The following PCDHGA8 variants were observed in gnomAD, a reference collection of about 807,000 sequenced individuals.
PCDHGA8 encodes the protein protocadherin gamma subfamily A, 8.
A neutral mutation model predicts 59.2 loss-of-function variants in PCDHGA8; 45 were observed. The ratio of observed to expected loss-of-function variants is 0.76; its 90% CI spans 0.60 to 0.98. PCDHGA8 has a LOEUF of 0.98. Among genes scored for constraint, PCDHGA8 ranks in the 50% least tolerant of loss-of-function variants. The pLI, the probability that PCDHGA8 is intolerant of heterozygous loss-of-function variation, is 0.00. For missense variants in PCDHGA8, 1,257 were observed against 1,196.2 expected (o/e 1.05, Z -0.75); for synonymous variants, 531 against 519.0 (o/e 1.02, Z -0.32).
chr5:141,421,418 G>C, intron 1 of PCDHGA8: 1 of 1,614,086 alleles, frequency 6.2e-7, no homozygotes, highest in Middle Eastern at 1.7e-4. Context: ...GCGAAGCGCG[G>C]AGTCCGCATC....
chr5:141,451,528 G>C (rs1451101169), intron 1 of PCDHGA8, among the ~76,000 whole-genome samples: 8 of 152,210 alleles, frequency 5.3e-5, no homozygotes. Flanking sequence ...AAGTAAAGGA[G>C]AGTGCCAGAG....
intron 1 of PCDHGA8, among the ~76,000 whole-genome samples, chr5:141,437,431 A>G (rs1282194918): frequency 6.6e-6 from 1 of 152,234 alleles, no homozygotes; most frequent in African/African-American, 2.4e-5. Flanking sequence ...TGAAGCAGCA[A>G]TAGCATAGGA....
chr5:141,421,233 G>T (rs201076931), intron 1 of PCDHGA8: 2 of 1,592,240 alleles, frequency 1.3e-6, no homozygotes, highest in Non-Finnish European at 1.7e-6. Flanking sequence ...CTGCCATGGC[G>T]AATCGGCTAC....
At position 141,418,056 on chromosome 5, in the gene PCDHGA8, T is replaced by G. The variant is rs199996434; in HGVS notation, c.2424+22819T>G. ...GTCCTGGATGTGTCGGCTCGCGAGC[T>G]GCGAGTGAGCGCGGAGAAGCTGCAC... is the stretch of plus-strand genomic sequence containing the variant. On this transcript the variant is annotated intron_variant, in intron 1 of 3. Coordinates refer to ENST00000398604, the MANE Select transcript of PCDHGA8 (RefSeq NM_032088.2). 5.0e-5 allele frequency: 80 copies of G among 1,613,976 alleles called. No individual in the cohort carries two copies. The African/African-American group carries it at 7.5e-4, about 15-fold the overall frequency.
rs76825883 is a variant in PCDHGA8, at chr5:141,433,317, C to T, written c.2424+38080C>T. The T allele has an allele frequency of 1.4e-3, 1,163 of 830,944 alleles. 6 individuals are homozygous for T. In the African/African-American group the frequency reaches 0.015, roughly 11 times the overall value. 51.5% of individuals were successfully genotyped at this position (830,944 alleles called of 1,614,324 possible). A position where few individuals can be genotyped will look rare whatever the true frequency, so the allele number is the denominator to read the frequency against. On this transcript the variant is annotated intron_variant, in intron 1 of 3. Transcript: ENST00000398604. ...CAAGCAATTATCCCACCTTTGCCTC[C>T]GGTGTAACAGGGACTACAGGTGCAA... is the stretch of plus-strand genomic sequence containing the variant.
intron 1 of PCDHGA8, chr5:141,415,649 A>T: frequency 1.9e-6 from 3 of 1,597,710 alleles, no homozygotes; most frequent in Non-Finnish European, 2.6e-6. Context: ...GTTAAAAAAA[A>T]AAAGATTGGT....
chr5:141,485,341 G>C lies in PCDHGA8; in HGVS notation c.2425-9466G>C. 1.2e-6 allele frequency: 2 copies of C among 1,614,118 alleles called. No homozygotes were observed. Among genetic ancestry groups the C allele is most frequent in the Non-Finnish European group, 8.5e-7 (1 of 1,180,022 alleles). ...TCGCTCAAGATTTCCTGCTGGATAC[G>C]GACAGTCTGTCAGCTCGCAGGCTGC... On this transcript the variant is annotated intron_variant, in intron 1 of 3. Coordinates refer to ENST00000398604, the MANE Select transcript of PCDHGA8 (RefSeq NM_032088.2). The surrounding 1 kb of genome is among the most constrained non-coding windows in gnomAD (Gnocchi z 5.7).
At chr5:141,484,707 G>C (rs1288663675) in intron 1 of PCDHGA8, among the ~76,000 whole-genome samples, 1 of 151,802 alleles carries the variant, frequency 6.6e-6, no homozygotes. Flanking sequence ...TGTTTTCCCC[G>C]CCGAAAAGGG....
rs1394234849 is a variant in PCDHGA8 at position 141,415,739 on chromosome 5, GGTTT to G, written c.2424+20503_2424+20506del. The G allele has an allele frequency of 1.9e-3, 837 of 434,806 alleles. 9 individuals are homozygous for G. In the African/African-American group the frequency reaches 0.026, roughly 14 times the overall value. The allele number at this position is 434,806 out of a possible 1,614,324, so 26.9% of individuals were successfully genotyped here. A position where few individuals can be genotyped will look rare whatever the true frequency, so the allele number is the denominator to read the frequency against. On this transcript the variant is annotated intron_variant, in intron 1 of 3. Coordinates refer to ENST00000398604, the MANE Select transcript of PCDHGA8 (RefSeq NM_032088.2). ...ATGAGTAGAATTTGATGTTTATTAAGGTTTTTTTTTTTTTTTTTTTTTTTTTTTT... is the reference window on the plus strand; with the variant it reads ...ATGAGTAGAATTTGATGTTTATTAAGTTTTTTTTTTTTTTTTTTTTTTTTT...
At chr5:141,421,351 A>G in intron 1 of PCDHGA8, 2 of 1,613,988 alleles carry the variant, frequency 1.2e-6, no homozygotes, top group Non-Finnish European at 1.7e-6. Flanking sequence ...AGAGACCGAA[A>G]AGGGCTCCTT....
intron 1 of PCDHGA8, chr5:141,421,183 A>G (rs1286755310): frequency 2.7e-6 from 4 of 1,457,360 alleles, no homozygotes; most frequent in Admixed American, 4.8e-5. Flanking sequence ...CCGATTCACA[A>G]CCAACCAGCT....
rs2154532733 is a variant in PCDHGA8, at chr5:141,403,281, T to C, written c.2424+8044T>C. ...TGTCTGGTGAACTTTAAAGTCCTGGTTGAAGACAGAGTGAAACTGTACGGA... is the reference window on the plus strand; with the variant it reads ...TGTCTGGTGAACTTTAAAGTCCTGGCTGAAGACAGAGTGAAACTGTACGGA... On this transcript the variant is annotated intron_variant, in intron 1 of 3. Transcript: ENST00000398604. The C allele has an allele frequency of 2.5e-6, 4 of 1,613,908 alleles. No individual in the cohort carries two copies. Among genetic ancestry groups the C allele is most frequent in the African/African-American group, 1.3e-5 (1 of 75,080 alleles).
chr5:141,429,374 TG>T (rs2097206438), intron 1 of PCDHGA8, among the ~76,000 whole-genome samples: 1 of 145,410 alleles, frequency 6.9e-6, no homozygotes, highest in South Asian at 2.2e-4. Context: ...ATGGAGAAAA[TG>T]TGTTTTTTTT....
chr5:141,420,357 CT>C, intron 1 of PCDHGA8: 1 of 1,376,278 alleles, frequency 7.3e-7, no homozygotes, highest in Non-Finnish European at 9.6e-7. Context: ...TTTTAAGATT[CT>C]AGATAACTTC....
intron 1 of PCDHGA8, among the ~76,000 whole-genome samples, chr5:141,468,890 G>A (rs2099184679): frequency 6.6e-6 from 1 of 151,592 alleles, no homozygotes; most frequent in African/African-American, 2.4e-5. Flanking sequence ...TAATAATAAG[G>A]TACTAATATG....
Position 141,489,267 on chromosome 5 carries a change from C to T in PCDHGA8, c.2425-5540C>T, listed in dbSNP as rs370726160. 27 of 1,553,302 alleles carry T rather than the reference C, an allele frequency of 1.7e-5. No individual in the cohort carries two copies. Among genetic ancestry groups the T allele is most frequent in the African/African-American group, 8.2e-5 (6 of 73,324 alleles). ...TGGGGCCCAAGACACTCCCACAGCT[C>T]GCTGGGAAATGGCAAGTGCTGTGCA... On this transcript the variant is annotated intron_variant, in intron 1 of 3. Transcript: ENST00000398604. This position sits in a 1 kb window ranked among gnomAD's most constrained non-coding sequence, Gnocchi z 4.5.
chr5:141,493,908 G>A lies in PCDHGA8; in HGVS notation c.2425-899G>A, dbSNP rs1308946115. ...CTAGGAGTGCTCCATGAGAGTGTGT[G>A]ATGGGATAACACACCCCCTGGAAAG... On this transcript the variant is annotated intron_variant, in intron 1 of 3. Transcript: ENST00000398604. This position sits in a 1 kb window ranked among gnomAD's most constrained non-coding sequence, Gnocchi z 4.3. Among the ~76,000 whole-genome samples the A allele has an allele frequency of 6.6e-6, 1 of 152,208 alleles. No homozygotes were observed. The highest frequency in any genetic ancestry group is 1.5e-5 in the Non-Finnish European group (1 of 68,032).
chr5:141,403,049 T>C (rs368917303), intron 1 of PCDHGA8: 2 of 1,613,938 alleles, frequency 1.2e-6, no homozygotes, highest in Non-Finnish European at 1.7e-6. Flanking sequence ...TCAGATTCGC[T>C]ACTCAGTGCC....
chr5:141,469,213 G>C (rs866405809), intron 1 of PCDHGA8, among the ~76,000 whole-genome samples: 4 of 150,912 alleles, frequency 2.7e-5, no homozygotes, highest in African/African-American at 9.7e-5. Flanking sequence ...TGAAGTTGAG[G>C]CTTCAGTGAG....
Sources: allele counts gnomAD v4.1 joint callset (sites outside exome capture counted in the v4.1 genomes callset), GRCh38; gene constraint gnomAD v4.1.1; non-coding constraint Gnocchi (gnomAD v3.1); transcripts MANE v1.5; gene names NCBI Gene and HGNC (gene_info 2026-07-23, HGNC 2026-07-21).